The following HEXB variants were observed in gnomAD, a reference collection of about 807,000 sequenced individuals.
HEXB encodes the protein hexosaminidase subunit beta.
HEXB carries 51 observed loss-of-function variants against 71.2 expected under a neutral mutation model. That is an observed-to-expected ratio of 0.72 (90% CI 0.57 to 0.90). The LOEUF is 0.90. HEXB is among the 40% of genes least tolerant of loss of function. The probability of loss-of-function intolerance (pLI) is 0.00; values close to 1 mark genes in which losing one functional copy is unlikely to be tolerated. For synonymous variants in HEXB, 266 were observed against 249.3 expected (o/e 1.07, Z -0.63); for missense variants, 617 against 677.0 (o/e 0.91, Z 0.98).
At chr5:74,647,245 T>G (rs373271326) in intron 1 of HEXB, among the ~76,000 whole-genome samples, 41 of 152,376 alleles carry the variant, frequency 2.7e-4, no homozygotes, top group African/African-American at 9.9e-4. Context: ...TTTGAAGCAA[T>G]GAAAATGCAG....
intron 2 of HEXB, among the ~76,000 whole-genome samples, chr5:74,691,852 G>C (rs562595620): frequency 6.6e-6 from 1 of 152,182 alleles, no homozygotes; most frequent in African/African-American, 2.4e-5. Flanking sequence ...TACAGAATGG[G>C]CTAACTGAAA....
intron 1 of HEXB, among the ~76,000 whole-genome samples, chr5:74,645,834 A>G (rs1017227790): frequency 8.5e-5 from 13 of 152,358 alleles, no homozygotes; most frequent in Admixed American, 3.9e-4. Context: ...TTCTCAGAAC[A>G]ATGTATGGTA....
In HEXB at chr5:74,717,599, GCCACATACAATTGCCCATGGA is replaced by G. The variant is rs1305776593; in HGVS notation, c.1170-679_1170-659del. On this transcript the variant is annotated intron_variant, in intron 9 of 13. Coordinates refer to ENST00000261416, the MANE Select transcript of HEXB (RefSeq NM_000521.4). ...AGAGTAAAGATTTTAGGCTTCATGG[GCCACATACAATTGCCCATGGA>G]CCACATACAATTTTTTTTTAACTTA... is the stretch of plus-strand genomic sequence containing the variant. 8.6e-5 allele frequency among the ~76,000 whole-genome samples: 13 copies of G among 151,506 alleles called. No individual in the cohort carries two copies. The East Asian group carries it at 1.4e-3, about 16-fold the overall frequency.
intron 5 of HEXB, among the ~76,000 whole-genome samples, chr5:74,699,935 G>C (rs1485261600): frequency 2.0e-4 from 14 of 70,114 alleles, no homozygotes; most frequent in Non-Finnish European, 4.0e-4. Flanking sequence ...TTGCTTTTTA[G>C]TGAATATAAG....
intron 6 of HEXB, among the ~76,000 whole-genome samples, chr5:74,709,025 T>C (rs1229575441): frequency 1.3e-5 from 2 of 151,596 alleles, no homozygotes; most frequent in Admixed American, 1.3e-4. Flanking sequence ...ATTCCAAAAT[T>C]GACCACATAG....
chr5:74,705,657 A>G (rs1376567611), intron 6 of HEXB: 4 of 261,074 alleles, frequency 1.5e-5, no homozygotes, highest in Non-Finnish European at 3.0e-5. Context: ...TGTTTTAAAC[A>G]TAATTGTTTG....
Position 74,721,098 on chromosome 5 carries a change from TTTATTCATG to T in HEXB, c.1614-15_1614-7del. On this transcript the variant is annotated splice_polypyrimidine_tract_variant and intron_variant, in intron 13 of 13. Transcript: ENST00000261416. ...TCAATCTAAATCAATCTAAAATATCTTTATTCATGTTATCTACAGACGTGGAATAGCTGC... is the reference window on the plus strand; with the variant it reads ...TCAATCTAAATCAATCTAAAATATCTTTATCTACAGACGTGGAATAGCTGC... 6.3e-7 allele frequency: 1 copy of T among 1,575,360 alleles called. No individual in the cohort carries two copies. The highest frequency in any genetic ancestry group is 1.7e-4 in the Middle Eastern group (1 of 5,976).
intron 1 of HEXB, among the ~76,000 whole-genome samples, chr5:74,679,266 A>G (rs75028336): frequency 0.023 from 3,488 of 152,284 alleles, 138 homozygotes; most frequent in African/African-American, 0.08. Context: ...GTACCTTGAA[A>G]AGGCTTTTAG....
chr5:74,651,839 T>C (rs1375256398), intron 1 of HEXB, among the ~76,000 whole-genome samples: 8 of 152,242 alleles, frequency 5.3e-5, no homozygotes, highest in Non-Finnish European at 1.2e-4. Flanking sequence ...TTAATTGGTC[T>C]GTATGCCTTG....
At chr5:74,658,930 G>A (rs140681211) in intron 1 of HEXB, among the ~76,000 whole-genome samples, 118 of 152,254 alleles carry the variant, frequency 7.8e-4, no homozygotes, top group African/African-American at 2.7e-3. Flanking sequence ...TAGGTACTAT[G>A]TCCTTGAGCC....
At chr5:74,715,739 G>C in intron 8 of HEXB, 49 bp downstream of exon 8, 2 of 1,293,160 alleles carry the variant, frequency 1.5e-6, no homozygotes, top group South Asian at 2.4e-5. Context: ...AAGAGAGGCT[G>C]GGTGCGGTGG....
intron 1 of HEXB, among the ~76,000 whole-genome samples, chr5:74,664,903 A>C (rs1016398413): frequency 5.3e-5 from 8 of 152,092 alleles, no homozygotes; most frequent in Admixed American, 6.6e-5. Context: ...GGATGCTCAC[A>C]CTCTCGTTGT....
At chr5:74,659,946 G>A (rs1748288780) in intron 1 of HEXB, among the ~76,000 whole-genome samples, 1 of 152,156 alleles carries the variant, frequency 6.6e-6, no homozygotes, top group Non-Finnish European at 1.5e-5. Context: ...CAGAAGGGGA[G>A]GGTGAGGGGA....
chr5:74,663,196 G>GT (rs11403463), intron 1 of HEXB, among the ~76,000 whole-genome samples: 46,566 of 149,990 alleles, frequency 0.31, 7,514 homozygotes, highest in Middle Eastern at 0.36. Flanking sequence ...TTTTTTGGGG[G>GT]GGTGGAGTGC....
chr5:74,679,597 T>C (rs1748700028), intron 1 of HEXB, among the ~76,000 whole-genome samples: 1 of 151,890 alleles, frequency 6.6e-6, no homozygotes, highest in African/African-American at 2.4e-5. Flanking sequence ...GTCAGGAGTT[T>C]GAGACCAGCC....
chr5:74,642,183 C>G (rs1747909397), intron 1 of HEXB, among the ~76,000 whole-genome samples: 1 of 152,192 alleles, frequency 6.6e-6, no homozygotes, highest in African/African-American at 2.4e-5. Context: ...AATTTCGCTC[C>G]TTGCAAACAA....
chr5:74,707,143 CTG>C (rs905809610), intron 6 of HEXB, among the ~76,000 whole-genome samples: 27 of 152,302 alleles, frequency 1.8e-4, no homozygotes, highest in African/African-American at 6.5e-4. Context: ...CGAAAAACCA[CTG>C]TTCTGCAGAC....
intron 1 of HEXB, among the ~76,000 whole-genome samples, chr5:74,648,214 G>C (rs1748036283): frequency 6.6e-6 from 1 of 152,124 alleles, no homozygotes; most frequent in Admixed American, 6.5e-5. Context: ...CTCTGTGAAT[G>C]GTCTTTTATT....
chr5:74,696,614 A>T (rs958682179), intron 3 of HEXB, 79 bp from the exon 4 acceptor site: 6 of 775,788 alleles, frequency 7.7e-6, no homozygotes, highest in Non-Finnish European at 1.4e-5. Context: ...CCTGGTTATG[A>T]GTCTGTTTGA....
Sources: gnomAD v4.1 joint callset for allele counts (sites outside exome capture counted in the v4.1 genomes callset) on GRCh38, gnomAD v4.1.1 for gene constraint, MANE v1.5 for transcripts, NCBI Gene and HGNC (gene_info 2026-07-23, HGNC 2026-07-21) for gene names.